Variants in QKI observed in about 807,000 individuals in gnomAD.
QKI encodes the protein KH domain-containing RNA-binding protein QKI.
A neutral mutation model predicts 39.0 loss-of-function variants in QKI; 10 were observed. The ratio of observed to expected loss-of-function variants is 0.26; its 90% CI spans 0.16 to 0.43. The LOEUF is 0.43. QKI is among the 20% of genes least tolerant of loss of function. The pLI is 1.00. For missense variants in QKI, 218 were observed against 428.0 expected, an observed-to-expected ratio of 0.51 and a Z score of 4.33; for synonymous variants, 204 against 155.4, an observed-to-expected ratio of 1.31 and a Z score of -2.33.
intron 3 of QKI, among the ~76,000 whole-genome samples, chr6:163,484,443 T>C (rs1793318633): frequency 6.6e-6 from 1 of 152,156 alleles, no homozygotes; most frequent in Non-Finnish European, 1.5e-5. Context: ...TCAAGTGATC[T>C]GCCCACCTTG....
intron 3 of QKI, among the ~76,000 whole-genome samples, chr6:163,499,498 G>A (rs1182954864): frequency 6.6e-6 from 1 of 152,182 alleles, no homozygotes; most frequent in Non-Finnish European, 1.5e-5. Flanking sequence ...GTGACATTAA[G>A]TGCTAGGCTT....
At chr6:163,438,137 A>G (rs907978512) in intron 1 of QKI, among the ~76,000 whole-genome samples, 6 of 152,228 alleles carry the variant, frequency 3.9e-5, no homozygotes, top group Non-Finnish European at 8.8e-5. Context: ...ATTTGCAAAC[A>G]GCATTTGTTA....
intron 3 of QKI, among the ~76,000 whole-genome samples, chr6:163,505,896 T>C (rs948216445): frequency 5.9e-5 from 9 of 152,062 alleles, no homozygotes; most frequent in Non-Finnish European, 1.3e-4. Context: ...TGGCTCTGTG[T>C]CTCCACCCAA....
chr6:163,513,038 A>G (rs182938892), intron 3 of QKI, among the ~76,000 whole-genome samples: 1 of 152,244 alleles, frequency 6.6e-6, no homozygotes, highest in African/African-American at 2.4e-5. Context: ...CATTCACACA[A>G]CTTTCATTAC....
chr6:163,510,191 G>A (rs183614867), intron 3 of QKI, among the ~76,000 whole-genome samples: 117 of 149,126 alleles, frequency 7.8e-4, no homozygotes, highest in African/African-American at 2.8e-3. Context: ...ACTCCAGCCT[G>A]GGCAGCAGAG....
At chr6:163,566,685 T>C (rs1288246362) in intron 6 of QKI, 36 bp from the exon 7 acceptor site, 1 of 1,610,690 alleles carries the variant, frequency 6.2e-7, no homozygotes, top group African/African-American at 1.3e-5. Context: ...TTGTGAATGT[T>C]TTCTAACTTT....
chr6:163,429,677 A>T (rs1023300129), intron 1 of QKI, among the ~76,000 whole-genome samples: 8 of 152,200 alleles, frequency 5.3e-5, no homozygotes, highest in African/African-American at 1.9e-4. Context: ...TAAGCATTTT[A>T]TGTTGCATTG....
intron 3 of QKI, among the ~76,000 whole-genome samples, chr6:163,496,876 C>G (rs1279829635): frequency 1.3e-5 from 2 of 152,136 alleles, no homozygotes; most frequent in Non-Finnish European, 2.9e-5. Context: ...AACCTTCTTG[C>G]CCTTTTGCTC....
chr6:163,425,023 AAAAG>A (rs1392997486), intron 1 of QKI, among the ~76,000 whole-genome samples: 5 of 152,206 alleles, frequency 3.3e-5, no homozygotes, highest in African/African-American at 7.2e-5. Flanking sequence ...TGAGAAAAGA[AAAAG>A]AAAGATGATG....
intron 2 of QKI, among the ~76,000 whole-genome samples, chr6:163,463,132 C>T (rs1746113149): frequency 6.6e-6 from 1 of 152,100 alleles, no homozygotes; most frequent in Admixed American, 6.6e-5. Context: ...AATAGAGTTT[C>T]TATAAACTGA....
intron 2 of QKI, among the ~76,000 whole-genome samples, chr6:163,463,772 A>G (rs1583032898): frequency 6.6e-6 from 1 of 152,348 alleles, no homozygotes; most frequent in Middle Eastern, 3.4e-3. Flanking sequence ...TGACAAGAGC[A>G]GAAGACAGTA....
intron 1 of QKI, among the ~76,000 whole-genome samples, chr6:163,428,221 T>G (rs1788554994): frequency 6.6e-6 from 1 of 152,220 alleles, no homozygotes; most frequent in Non-Finnish European, 1.5e-5. Context: ...TTTAAGAGAC[T>G]ATATGTTGGT....
intron 1 of QKI, among the ~76,000 whole-genome samples, chr6:163,442,209 G>C (rs1789813559): frequency 1.3e-5 from 2 of 152,264 alleles, no homozygotes; most frequent in South Asian, 4.1e-4. Context: ...GACCTTTTCA[G>C]TAATTTGTTT....
At chr6:163,419,315 T>C (rs62972761) in intron 1 of QKI, among the ~76,000 whole-genome samples, 103 of 150,116 alleles carry the variant, frequency 6.9e-4, no homozygotes, top group African/African-American at 2.3e-3. Context: ...TTTTTTTTTT[T>C]CCTGAGAATT....
At chr6:163,473,058 A>G (rs918891909) in intron 2 of QKI, among the ~76,000 whole-genome samples, 3 of 152,206 alleles carry the variant, frequency 2.0e-5, no homozygotes, top group South Asian at 2.1e-4. Context: ...GTAATTCAAT[A>G]TATCAGCTAG....
chr6:163,445,937 C>T (rs755201243), intron 1 of QKI, among the ~76,000 whole-genome samples: 3 of 152,082 alleles, frequency 2.0e-5, no homozygotes, highest in Non-Finnish European at 4.4e-5. Context: ...TGTCTTAATA[C>T]TGGTAATATT....
At chr6:163,513,479 T>C (rs1243787097) in intron 3 of QKI, among the ~76,000 whole-genome samples, 1 of 152,198 alleles carries the variant, frequency 6.6e-6, no homozygotes, top group Non-Finnish European at 1.5e-5. Flanking sequence ...TCTAAACTTA[T>C]TTCGTCCTGT....
chr6:163,488,973 C>CTTTTTTT (rs767477914), intron 3 of QKI, among the ~76,000 whole-genome samples: 2 of 122,118 alleles, frequency 1.6e-5, no homozygotes, highest in Non-Finnish European at 3.4e-5. Flanking sequence ...CCTTCCATTT[C>CTTTTTTT]TTTTTTTTTT....
chr6:163,531,710 C>A (rs1482904440), intron 3 of QKI, among the ~76,000 whole-genome samples: 1 of 152,106 alleles, frequency 6.6e-6, no homozygotes, highest in Non-Finnish European at 1.5e-5. Context: ...TCTGACTGTT[C>A]CCCAGGCTGG....
Sources: allele counts gnomAD v4.1 joint callset (sites outside exome capture counted in the v4.1 genomes callset), GRCh38; gene constraint gnomAD v4.1.1; transcripts MANE v1.5; gene names NCBI Gene and HGNC (gene_info 2026-07-23, HGNC 2026-07-21).